IPCEF1: variants seen among roughly 807,000 people sequenced by gnomAD.
IPCEF1 encodes interactor protein for cytohesin exchange factors 1.
IPCEF1 carries 31 observed loss-of-function variants against 50.9 expected under a neutral mutation model. The observed-to-expected ratio is 0.61, with a 90% CI of 0.46 to 0.82. The LOEUF (loss-of-function observed/expected upper bound fraction) is 0.82, where lower values mean the gene tolerates loss of function less well. Among genes scored for constraint, IPCEF1 ranks in the 40% least tolerant of loss-of-function variants. The pLI is 0.00. For synonymous variants in IPCEF1, 181 were observed against 192.0 expected, an observed-to-expected ratio of 0.94 and a Z score of 0.47; for missense variants, 458 against 514.0, an observed-to-expected ratio of 0.89 and a Z score of 1.05.
intron 10 of IPCEF1, among the ~76,000 whole-genome samples, chr6:154,172,078 C>T (rs1440735836): frequency 2.0e-5 from 3 of 152,166 alleles, no homozygotes; most frequent in Non-Finnish European, 4.4e-5. Context: ...TGATAGAAAA[C>T]AACTTACCAA....
intron 10 of IPCEF1, among the ~76,000 whole-genome samples, chr6:154,173,614 A>T (rs1261235784): frequency 6.6e-6 from 1 of 152,182 alleles, no homozygotes; most frequent in Non-Finnish European, 1.5e-5. Context: ...AGAAGACAAG[A>T]TTATAGAAAA....
intron 5 of IPCEF1, among the ~76,000 whole-genome samples, chr6:154,235,897 G>A (rs1226250536): frequency 6.6e-6 from 1 of 152,194 alleles, no homozygotes; most frequent in East Asian, 1.9e-4. Flanking sequence ...TTAATTAAGT[G>A]ACAAGCACTG....
At chr6:154,239,727 G>C (rs6913073) in intron 5 of IPCEF1, among the ~76,000 whole-genome samples, 1 of 151,754 alleles carries the variant, frequency 6.6e-6, no homozygotes, top group Admixed American at 6.5e-5. Flanking sequence ...TTTTTGAGAC[G>C]CAGTCTCGCT....
chr6:154,180,414 A>AT (rs761333730), intron 10 of IPCEF1, among the ~76,000 whole-genome samples: 130 of 65,262 alleles, frequency 2.0e-3, no homozygotes, highest in African/African-American at 4.4e-3. Context: ...ATATATATAT[A>AT]TTTTTTTTTT....
chr6:154,353,597 T>G (rs1562299943), intron 1 of IPCEF1, among the ~76,000 whole-genome samples: 1 of 152,246 alleles, frequency 6.6e-6, no homozygotes, highest in African/African-American at 2.4e-5. Context: ...GCCTATTTAC[T>G]TTCTTTCAAC....
intron 10 of IPCEF1, among the ~76,000 whole-genome samples, chr6:154,185,409 G>A (rs944882812): frequency 3.9e-5 from 6 of 152,150 alleles, no homozygotes; most frequent in African/African-American, 1.4e-4. Context: ...ATGGCAAAAA[G>A]TTAGAGTTTA....
chr6:154,168,203 C>T lies in IPCEF1; in HGVS notation c.911-90G>A. On this transcript the variant is annotated intron_variant, in intron 10 of 11. Transcript: ENST00000367220. The surrounding 1 kb of genome is among the most constrained non-coding windows in gnomAD (Gnocchi z 4.1). ...CAATACTGTGGTCCCAAGGCACGGC[C>T]CCACTGGCACCCTCATCTCAGACTT... is the stretch of plus-strand genomic sequence containing the variant. 1.2e-6 allele frequency: 1 copy of T among 854,926 alleles called. No homozygotes were observed. The highest frequency in any genetic ancestry group is 1.8e-6 in the Non-Finnish European group (1 of 568,022). The allele number at this position is 854,926 out of a possible 1,614,324, so 53.0% of individuals were successfully genotyped here.
At chr6:154,182,876 A>G (rs1801012045) in intron 10 of IPCEF1, among the ~76,000 whole-genome samples, 1 of 152,232 alleles carries the variant, frequency 6.6e-6, no homozygotes, top group Admixed American at 6.5e-5. Flanking sequence ...AGACTAGGGA[A>G]CACTTCAGGT....
intron 5 of IPCEF1, among the ~76,000 whole-genome samples, chr6:154,242,792 G>A (rs534231709): frequency 6.6e-6 from 1 of 152,234 alleles, no homozygotes; most frequent in South Asian, 2.1e-4. Flanking sequence ...GGAGGCTGAG[G>A]CATGAGAATC....
intron 5 of IPCEF1, among the ~76,000 whole-genome samples, chr6:154,224,771 C>T (rs899590507): frequency 1.3e-5 from 2 of 152,078 alleles, no homozygotes; most frequent in South Asian, 4.1e-4. Context: ...GCACTCTCTT[C>T]TTTAAACATT....
chr6:154,170,127 T>G (rs531360768), intron 10 of IPCEF1, among the ~76,000 whole-genome samples: 1 of 152,322 alleles, frequency 6.6e-6, no homozygotes, highest in African/African-American at 2.4e-5. Context: ...AAGAAAATCT[T>G]CATCCTTTGA....
intron 2 of IPCEF1, among the ~76,000 whole-genome samples, chr6:154,279,312 C>A (rs1182430938): frequency 6.6e-6 from 1 of 152,004 alleles, no homozygotes; most frequent in Non-Finnish European, 1.5e-5. Context: ...ATGAAGAAAT[C>A]AATTTTTGAA....
Position 154,199,996 on chromosome 6 carries a change from C to T in IPCEF1, c.582G>A (p.Thr194=), listed in dbSNP as rs1357439295. ...ASSSSPSLSG[T]SYSFSSLENT... ...TTTCCAGGGAAGAGAAAGAATACGA[C>T]GTTCCACTCAGGCTGGGTGAGGATG... Residue 194 remains threonine, a synonymous_variant, in exon 10 of 12, where the codon ACG becomes ACA. Transcript: ENST00000367220. 7.4e-6 allele frequency: 12 copies of T among 1,613,990 alleles called. No individual in the cohort carries two copies. The highest frequency in any genetic ancestry group is 4.0e-5 in the African/African-American group (3 of 74,926).
intron 2 of IPCEF1, among the ~76,000 whole-genome samples, chr6:154,281,555 T>C (rs1352683586): frequency 6.6e-6 from 1 of 151,808 alleles, no homozygotes; most frequent in African/African-American, 2.4e-5. Flanking sequence ...ATTTTAGTTT[T>C]CCTTGAAGTG....
chr6:154,259,986 C>T (rs778992482), intron 3 of IPCEF1, among the ~76,000 whole-genome samples: 19 of 152,302 alleles, frequency 1.2e-4, no homozygotes, highest in Non-Finnish European at 2.1e-4. Context: ...CACTTCCACT[C>T]CCTGCAGTTC....
chr6:154,212,985 C>T, intron 8 of IPCEF1, 130 bp from the exon 9 acceptor site: 1 of 687,098 alleles, frequency 1.5e-6, no homozygotes, highest in East Asian at 2.7e-5. Flanking sequence ...ATCTAATGAA[C>T]TACCTGGTAA....
In IPCEF1 at chr6:154,199,627, T is replaced by C. The variant is rs2295678; in HGVS notation, c.910+41A>G. ...TATTACAGTTCCATATACAAACAAATATTCACTCTCTAACGAAGAATAAAT... is the reference window on the plus strand; with the variant it reads ...TATTACAGTTCCATATACAAACAAACATTCACTCTCTAACGAAGAATAAAT... On this transcript the variant is annotated intron_variant, in intron 10 of 11. Transcript: ENST00000367220. 1.1e-3 allele frequency: 1,646 copies of C among 1,522,240 alleles called. 32 individuals carry two copies. In the East Asian group the frequency reaches 0.035, roughly 32 times the overall value. 94.3% of individuals were successfully genotyped at this position (1,522,240 alleles called of 1,614,324 possible). A position where few individuals can be genotyped will look rare whatever the true frequency, so the allele number is the denominator to read the frequency against.
At chr6:154,258,909 A>T (rs1781525772) in intron 3 of IPCEF1, among the ~76,000 whole-genome samples, 1 of 152,196 alleles carries the variant, frequency 6.6e-6, no homozygotes, top group African/African-American at 2.4e-5. Flanking sequence ...TAAGCACTCA[A>T]AAAAATATTT....
At chr6:154,177,119 C>T (rs1382360640) in intron 10 of IPCEF1, among the ~76,000 whole-genome samples, 1 of 152,180 alleles carries the variant, frequency 6.6e-6, no homozygotes, top group Non-Finnish European at 1.5e-5. Flanking sequence ...CTTCCTTACA[C>T]CTTATACAAA....
Sources: allele counts gnomAD v4.1 joint callset (sites outside exome capture counted in the v4.1 genomes callset), GRCh38; gene constraint gnomAD v4.1.1; non-coding constraint Gnocchi (gnomAD v3.1); transcripts MANE v1.5; gene names NCBI Gene and HGNC (gene_info 2026-07-23, HGNC 2026-07-21).